CSMD2: variants seen among roughly 807,000 people sequenced by gnomAD.
CSMD2 encodes CUB and sushi domain-containing protein 2.
A neutral mutation model predicts 398.5 loss-of-function variants in CSMD2; 130 were observed. The ratio of observed to expected loss-of-function variants is 0.33; its 90% confidence interval spans 0.28 to 0.38. CSMD2 has a LOEUF of 0.38. CSMD2 is among the 10% of genes least tolerant of loss of function. The probability of loss-of-function intolerance (pLI) is 1.00; values close to 1 mark genes in which losing one functional copy is unlikely to be tolerated. For missense variants in CSMD2, 3,829 were observed against 4,764.9 expected (o/e 0.80, Z 5.78); for synonymous variants, 1,828 against 1,908.5 (o/e 0.96, Z 1.10).
rs199647052 is a variant in CSMD2, at chr1:33,558,004, C to A, written c.8555-82G>T. 3.9e-4 allele frequency: 508 copies of A among 1,300,226 alleles called. No homozygotes were observed. The Admixed American group carries it at 6.1e-3, about 16-fold the overall frequency. The allele number at this position is 1,300,226 out of a possible 1,614,324, so 80.5% of individuals were successfully genotyped here. A position where few individuals can be genotyped will look rare whatever the true frequency, so the allele number is the denominator to read the frequency against. ...GAGCAAAACTAGGCAATGAAGCAGA[C>A]CCTGTCGGGAGGGTGAGCTGGTCCC... On this transcript the variant is annotated intron_variant, in intron 54 of 70. Transcript: ENST00000373381.
chr1:33,614,134 G>T (rs764564262), intron 40 of CSMD2, among the ~76,000 whole-genome samples: 1 of 149,578 alleles, frequency 6.7e-6, no homozygotes, highest in Non-Finnish European at 1.5e-5. Flanking sequence ...ACAGATTTCC[G>T]CCCCACCCCC....
rs578027168 is a variant in CSMD2 at position 34,038,881 on chromosome 1, C to T, written c.405-6175G>A. 7.9e-5 allele frequency among the ~76,000 whole-genome samples: 12 copies of T among 152,306 alleles called. No homozygotes were observed. The South Asian group carries it at 2.1e-3, about 26-fold the overall frequency. ...TGTCAGTGATTAAATACTCTTCCCC[C>T]GCTTTTCTCCCACTCCCTTCCTTCG... On this transcript the variant is annotated intron_variant, in intron 2 of 70. Transcript: ENST00000373381.
At chr1:33,979,188 G>T (rs1006323282) in intron 3 of CSMD2, among the ~76,000 whole-genome samples, 1 of 152,142 alleles carries the variant, frequency 6.6e-6, no homozygotes, top group Admixed American at 6.5e-5. Context: ...CCCCATGCCA[G>T]ATCCCCTGCC....
intron 3 of CSMD2, among the ~76,000 whole-genome samples, chr1:34,019,694 C>G (rs572112414): frequency 5.3e-5 from 8 of 152,128 alleles, no homozygotes; most frequent in Admixed American, 1.3e-4. Flanking sequence ...ATAAATCTCA[C>G]GGAGCCACTT....
intron 25 of CSMD2, among the ~76,000 whole-genome samples, chr1:33,688,676 C>A (rs1309307441): frequency 1.3e-5 from 2 of 151,946 alleles, no homozygotes; most frequent in South Asian, 4.1e-4. Context: ...ATTAGCCAGG[C>A]GTGATGGCGC....
At chr1:33,823,011 T>C (rs1301406338) in intron 7 of CSMD2, among the ~76,000 whole-genome samples, 4 of 152,072 alleles carry the variant, frequency 2.6e-5, no homozygotes, top group Non-Finnish European at 5.9e-5. Flanking sequence ...CCTTTCCCCT[T>C]CTCTTGCCCT....
chr1:34,129,875 C>G (rs1663151757), intron 1 of CSMD2, among the ~76,000 whole-genome samples: 1 of 152,182 alleles, frequency 6.6e-6, no homozygotes, highest in Non-Finnish European at 1.5e-5. Flanking sequence ...CTGCCACTTG[C>G]TGGCTGTGTG....
In CSMD2 at chr1:33,946,069, A is replaced by T. The variant is rs540593181; in HGVS notation, c.518-10115T>A. On this transcript the variant is annotated intron_variant, in intron 3 of 70. Coordinates refer to ENST00000373381, the MANE Select transcript of CSMD2 (RefSeq NM_001281956.2). ...AACATTCAGTGTGTCAGGTAATTTT[A>T]AAAAATACAACAGAAACTCCCTCCC... 5.3e-5 allele frequency among the ~76,000 whole-genome samples: 8 copies of T among 152,306 alleles called. No individual in the cohort carries two copies. The East Asian group carries it at 1.2e-3, about 22-fold the overall frequency.
chr1:33,826,399 G>T (rs2125017506), intron 6 of CSMD2, among the ~76,000 whole-genome samples: 1 of 152,312 alleles, frequency 6.6e-6, no homozygotes, highest in East Asian at 1.9e-4. Context: ...AAAAGCACTT[G>T]CCAGATTAGG....
At chr1:33,692,435 G>C (rs536586174) in intron 25 of CSMD2, among the ~76,000 whole-genome samples, 23 of 152,358 alleles carry the variant, frequency 1.5e-4, no homozygotes, top group African/African-American at 4.1e-4. Flanking sequence ...TACAGCTAAA[G>C]CTGAGTTAGT....
At chr1:34,140,293 C>CAAAAAAAA (rs6143187) in intron 1 of CSMD2, among the ~76,000 whole-genome samples, 13 of 138,726 alleles carry the variant, frequency 9.4e-5, no homozygotes, top group African/African-American at 1.5e-4. Flanking sequence ...TCGGCATATG[C>CAAAAAAAA]AAAAAAACAA....
At chr1:33,746,781 A>G (rs540313450) in intron 13 of CSMD2, among the ~76,000 whole-genome samples, 1 of 152,298 alleles carries the variant, frequency 6.6e-6, no homozygotes, top group African/African-American at 2.4e-5. Context: ...ATCAATGAGT[A>G]CCTAATGGTT....
chr1:33,648,239 G>C (rs1376242181), intron 28 of CSMD2, among the ~76,000 whole-genome samples: 1 of 151,974 alleles, frequency 6.6e-6, no homozygotes, highest in Admixed American at 6.6e-5. Context: ...GTGGGCACCT[G>C]TAGTCCCAAC....
At chr1:33,556,827 A>G (rs1234677586) in intron 55 of CSMD2, among the ~76,000 whole-genome samples, 1 of 152,154 alleles carries the variant, frequency 6.6e-6, no homozygotes, top group East Asian at 1.9e-4. Flanking sequence ...CTTTTCCCCA[A>G]CTTTGCTCAT....
intron 22 of CSMD2, 102 bp downstream of exon 22, chr1:33,708,987 G>T: frequency 9.2e-7 from 1 of 1,084,430 alleles, no homozygotes. Context: ...GACTCAGGAA[G>T]GAAGGAGAAA....
intron 3 of CSMD2, among the ~76,000 whole-genome samples, chr1:33,997,740 G>A (rs1438976734): frequency 6.6e-6 from 1 of 151,932 alleles, no homozygotes. Flanking sequence ...GAGTTGGAGG[G>A]GAGAAAGAAG....
At chr1:33,581,484 C>T (rs1427483169) in intron 47 of CSMD2, among the ~76,000 whole-genome samples, 7 of 136,488 alleles carry the variant, frequency 5.1e-5, no homozygotes, top group East Asian at 2.1e-4. Flanking sequence ...GAGCCAAGAT[C>T]GCACCACTGT....
At chr1:33,696,181 G>T (rs1286407188) in intron 24 of CSMD2, among the ~76,000 whole-genome samples, 3 of 152,210 alleles carry the variant, frequency 2.0e-5, no homozygotes, top group African/African-American at 7.2e-5. Context: ...TGAATCAAGG[G>T]AGAATGAGTA....
At chr1:33,954,113 T>C (rs1485190237) in intron 3 of CSMD2, among the ~76,000 whole-genome samples, 1 of 152,180 alleles carries the variant, frequency 6.6e-6, no homozygotes, top group Non-Finnish European at 1.5e-5. Context: ...GCAAGGCACC[T>C]GGCACAGACC....
Sources: allele counts gnomAD v4.1 joint callset (sites outside exome capture counted in the v4.1 genomes callset), GRCh38; gene constraint gnomAD v4.1.1; transcripts MANE v1.5; gene names NCBI Gene and HGNC (gene_info 2026-07-23, HGNC 2026-07-21).